PHF24: variants seen among roughly 807,000 people sequenced by gnomAD.
The protein encoded by PHF24 is Galpha inhibitory interacting protein.
In PHF24, 25 loss-of-function variants were observed where a neutral mutation model predicts 42.6. The ratio of observed to expected loss-of-function variants is 0.59; its 90% confidence interval spans 0.43 to 0.82. The LOEUF is 0.82. Ranked by LOEUF, PHF24 falls within the 40% of genes least tolerant of loss-of-function variation. PHF24 has a pLI of 0.00. For synonymous variants in PHF24, 185 were observed against 204.8 expected, an observed-to-expected ratio of 0.90 and a Z score of 0.83; for missense variants, 470 against 538.1, an observed-to-expected ratio of 0.87 and a Z score of 1.25.
At chr9:34,897,740 T>C in the PHF24 span, among the ~76,000 whole-genome samples, 1 of 152,196 alleles carries the variant, frequency 6.6e-6, no homozygotes, top group African/African-American at 2.4e-5. Context: ...GTAAGTTCTT[T>C]AGTGGTGATT....
chr9:34,797,577 TC>T, the PHF24 span, among the ~76,000 whole-genome samples: 1 of 152,150 alleles, frequency 6.6e-6, no homozygotes, highest in African/African-American at 2.4e-5. Context: ...CCAGTCGATA[TC>T]CTGCGGTGTG....
At chr9:34,749,485 C>T in the PHF24 span, among the ~76,000 whole-genome samples, 1 of 152,112 alleles carries the variant, frequency 6.6e-6, no homozygotes, top group East Asian at 1.9e-4. Context: ...CTAATCTGAG[C>T]ACCTTGAAAG....
At chr9:34,810,917 A>G in the PHF24 span, among the ~76,000 whole-genome samples, 2 of 152,116 alleles carry the variant, frequency 1.3e-5, no homozygotes, top group African/African-American at 4.8e-5. Context: ...AAGATAGGAG[A>G]TTTGAGCCCC....
the PHF24 span, among the ~76,000 whole-genome samples, chr9:34,842,186 A>T: frequency 6.6e-6 from 1 of 152,172 alleles, no homozygotes; most frequent in Non-Finnish European, 1.5e-5. Flanking sequence ...TTTATTGCAG[A>T]GTAGATTCCA....
At chr9:34,910,237 T>TC in the PHF24 span, among the ~76,000 whole-genome samples, 1 of 149,930 alleles carries the variant, frequency 6.7e-6, no homozygotes, top group Non-Finnish European at 1.5e-5. Context: ...GTTTTGCCTC[T>TC]TTTTTTTTGG....
chr9:34,835,217 G>C, the PHF24 span: 1 of 1,552,028 alleles, frequency 6.4e-7, no homozygotes, highest in African/African-American at 1.4e-5. Context: ...AGCCACACAT[G>C]AACACCAGGT....
the PHF24 span, chr9:34,723,223 G>T: frequency 2.6e-6 from 4 of 1,550,120 alleles, no homozygotes; most frequent in Non-Finnish European, 3.5e-6. Context: ...CTGAGGTGAG[G>T]GTCAGGAGCT....
the PHF24 span, among the ~76,000 whole-genome samples, chr9:34,901,121 AT>A: frequency 4.6e-5 from 7 of 152,166 alleles, no homozygotes; most frequent in East Asian, 1.9e-4. Context: ...GAAAACTCTT[AT>A]TTTTTTATGA....
At chr9:34,723,682 C>T in the PHF24 span, 5 of 1,551,510 alleles carry the variant, frequency 3.2e-6, no homozygotes, top group African/African-American at 1.4e-5. Context: ...CTTGGCCTTG[C>T]AAAGTTTGGC....
At chr9:34,921,505 G>A in the PHF24 span, among the ~76,000 whole-genome samples, 1 of 152,130 alleles carries the variant, frequency 6.6e-6, no homozygotes, top group African/African-American at 2.4e-5. Context: ...TTCTTAGGTT[G>A]CCTAAGACAT....
exon 8 of PHF24, chr9:34,978,058 A>G: frequency 6.2e-7 from 1 of 1,614,182 alleles, no homozygotes; most frequent in Non-Finnish European, 8.5e-7. Context: ...TGTCCTCTAC[A>G]TCCTGGCTGC....
the PHF24 span, among the ~76,000 whole-genome samples, chr9:34,669,120 CTCA>C: frequency 4.6e-5 from 7 of 152,300 alleles, no homozygotes; most frequent in Non-Finnish European, 7.3e-5. Context: ...TGATTGATGT[CTCA>C]TGTCTCCCCA....
the PHF24 span, among the ~76,000 whole-genome samples, chr9:34,928,092 T>A: frequency 6.6e-6 from 1 of 151,896 alleles, no homozygotes; most frequent in Non-Finnish European, 1.5e-5. Flanking sequence ...GGAGAGTGCC[T>A]GTAATCCCAG....
the PHF24 span, among the ~76,000 whole-genome samples, chr9:34,936,006 A>AT: frequency 6.6e-6 from 1 of 151,078 alleles, no homozygotes; most frequent in Admixed American, 6.6e-5. Flanking sequence ...AAAAAAAAAA[A>AT]TTGAGTCTCC....
At chr9:34,756,539 T>A in the PHF24 span, among the ~76,000 whole-genome samples, 19 of 152,180 alleles carry the variant, frequency 1.2e-4, no homozygotes, top group African/African-American at 4.6e-4. Flanking sequence ...ATGGATTTAT[T>A]TCTTGGTTCT....
At chr9:34,701,948 T>G in the PHF24 span, among the ~76,000 whole-genome samples, 1 of 152,208 alleles carries the variant, frequency 6.6e-6, no homozygotes, top group Non-Finnish European at 1.5e-5. The surrounding 1 kb of genome is among the most constrained non-coding windows in gnomAD (Gnocchi z 5.8). Flanking sequence ...GCTTAAAGGC[T>G]GAAGGAGGGT....
At chr9:34,804,581 T>C in the PHF24 span, among the ~76,000 whole-genome samples, 19 of 152,196 alleles carry the variant, frequency 1.2e-4, no homozygotes, top group African/African-American at 4.6e-4. Context: ...CCTCATTTCA[T>C]AGATGAGAAG....
chr9:34,811,678 A>G, the PHF24 span, among the ~76,000 whole-genome samples: 1 of 152,228 alleles, frequency 6.6e-6, no homozygotes. Flanking sequence ...TAAATAGACT[A>G]AGACAAGGCT....
the PHF24 span, among the ~76,000 whole-genome samples, chr9:34,781,537 C>T: frequency 2.4e-4 from 36 of 152,018 alleles, no homozygotes; most frequent in African/African-American, 7.5e-4. Context: ...GACGGTTGTA[C>T]AACATTGTGA....
Sources: allele counts gnomAD v4.1 joint callset (sites outside exome capture counted in the v4.1 genomes callset), GRCh38; gene constraint gnomAD v4.1.1; non-coding constraint Gnocchi (gnomAD v3.1); transcripts MANE v1.5; gene names NCBI Gene and HGNC (gene_info 2026-07-23, HGNC 2026-07-21).